Variants in RYR2 observed in about 807,000 individuals in gnomAD.
RYR2 encodes the protein cardiac muscle ryanodine receptor-calcium release channel.
A neutral mutation model predicts 601.1 loss-of-function variants in RYR2; 227 were observed. The ratio of observed to expected loss-of-function variants is 0.38; its 90% CI spans 0.34 to 0.42. The LOEUF (loss-of-function observed/expected upper bound fraction) is 0.42. RYR2 is among the 10% of genes least tolerant of loss of function. The pLI is 1.00. For synonymous variants in RYR2, 2,223 were observed against 2,175.1 expected (o/e 1.02, Z -0.61); for missense variants, 4,646 against 6,156.5 (o/e 0.75, Z 8.21).
At chr1:237,606,574 T>G (rs9701213) in intron 35 of RYR2, among the ~76,000 whole-genome samples, 78,818 of 152,030 alleles carry the variant, frequency 0.52, 20,875 homozygotes, top group East Asian at 0.71. Context: ...AAATGGGATC[T>G]AATTAAACTA....
intron 38 of RYR2, among the ~76,000 whole-genome samples, chr1:237,622,056 C>G (rs1679130865): frequency 6.6e-6 from 1 of 152,100 alleles, no homozygotes; most frequent in South Asian, 2.1e-4. Context: ...TACTTGAAGT[C>G]TCTCTGTATT....
chr1:237,295,039 C>G (rs998544573), intron 2 of RYR2, among the ~76,000 whole-genome samples: 10 of 152,022 alleles, frequency 6.6e-5, no homozygotes, highest in African/African-American at 2.4e-4. Context: ...CATGGCAAAA[C>G]CCCGTCTCTC....
intron 1 of RYR2, among the ~76,000 whole-genome samples, chr1:237,188,150 G>A (rs1444053131): frequency 6.6e-6 from 1 of 152,150 alleles, no homozygotes; most frequent in African/African-American, 2.4e-5. Flanking sequence ...TTTTGCTCTG[G>A]CAGGTTGGCG....
intron 71 of RYR2, among the ~76,000 whole-genome samples, chr1:237,716,150 A>G (rs975599570): frequency 2.6e-5 from 4 of 152,090 alleles, no homozygotes; most frequent in African/African-American, 9.7e-5. Flanking sequence ...TTATAACGTA[A>G]TATATAAGCT....
At chr1:237,410,462 AT>A (rs35968847) in intron 10 of RYR2, among the ~76,000 whole-genome samples, 3,172 of 152,216 alleles carry the variant, frequency 0.021, 38 homozygotes, top group Middle Eastern at 0.037. Flanking sequence ...GACCAATAAT[AT>A]GGGTAGAATA....
chr1:237,789,132 G>A (rs1389871714), intron 92 of RYR2, among the ~76,000 whole-genome samples: 1 of 151,982 alleles, frequency 6.6e-6, no homozygotes, highest in African/African-American at 2.4e-5. Context: ...AAGAGGTACT[G>A]ACCAGTGATG....
chr1:237,792,026 G>C, intron 93 of RYR2, 79 bp from the exon 94 acceptor site: 1 of 986,964 alleles, frequency 1.0e-6, no homozygotes, highest in Non-Finnish European at 1.6e-6. Flanking sequence ...TGCTGAAAAG[G>C]CTGTATTTCT....
chr1:237,683,677 T>C (rs1326882775), intron 62 of RYR2, among the ~76,000 whole-genome samples: 2 of 139,224 alleles, frequency 1.4e-5, no homozygotes, highest in African/African-American at 2.7e-5. Context: ...CTTCTTAAAA[T>C]TCTATCACAA....
intron 17 of RYR2, among the ~76,000 whole-genome samples, chr1:237,477,022 A>G (rs939807500): frequency 5.9e-5 from 9 of 152,190 alleles, no homozygotes; most frequent in African/African-American, 2.2e-4. Flanking sequence ...AGTTAGCCAG[A>G]GGAATAAAAG....
rs1481801675 is a variant in RYR2 at position 237,139,279 on chromosome 1, A to T, written c.48+96710A>T. On this transcript the variant is annotated intron_variant, in intron 1 of 104. Coordinates refer to ENST00000366574, the MANE Select transcript of RYR2 (RefSeq NM_001035.3). ...ATCCTGAGTGAAAGAAACCAGTCAC[A>T]AAGGACAACATCTGTGGGATTCCAC... Among the ~76,000 whole-genome samples, 3 of 152,216 alleles carry T rather than the reference A, an allele frequency of 2.0e-5. No homozygotes were observed. In the East Asian group the frequency reaches 5.8e-4, roughly 29 times the overall value.
At chr1:237,515,908 C>CTTCTTCCTCG (rs1666475616) in intron 24 of RYR2, among the ~76,000 whole-genome samples, 2 of 140,788 alleles carry the variant, frequency 1.4e-5, no homozygotes, top group African/African-American at 2.7e-5. Flanking sequence ...CTCCTTCTCC[C>CTTCTTCCTCG]TCTTCTCCCT....
At chr1:237,204,896 A>G (rs1553341222) in intron 1 of RYR2, among the ~76,000 whole-genome samples, 1 of 152,196 alleles carries the variant, frequency 6.6e-6, no homozygotes, top group Non-Finnish European at 1.5e-5. Flanking sequence ...CAATCCAGCA[A>G]GGGAGGCAGA....
chr1:237,101,352 T>G (rs915581307), intron 1 of RYR2, among the ~76,000 whole-genome samples: 1 of 151,664 alleles, frequency 6.6e-6, no homozygotes, highest in African/African-American at 2.4e-5. Context: ...TTCTTTTTTG[T>G]GCAGGCACAA....
intron 1 of RYR2, among the ~76,000 whole-genome samples, chr1:237,223,301 G>T (rs73121652): frequency 0.013 from 1,919 of 152,218 alleles, 53 homozygotes; most frequent in African/African-American, 0.044. Context: ...GGCTAAAGGT[G>T]GGCAAGAGAC....
At chr1:237,463,585 A>T (rs1017025884) in intron 16 of RYR2, among the ~76,000 whole-genome samples, 2 of 152,156 alleles carry the variant, frequency 1.3e-5, no homozygotes, top group African/African-American at 2.4e-5. Flanking sequence ...TCATTTCTAT[A>T]ATCTCATAAC....
chr1:237,294,013 G>T (rs1317787916), intron 2 of RYR2, among the ~76,000 whole-genome samples: 3 of 152,082 alleles, frequency 2.0e-5, no homozygotes, highest in Non-Finnish European at 4.4e-5. Flanking sequence ...ACATCCTGAG[G>T]CTATCCAAGA....
chr1:237,196,806 C>T (rs1680624632), intron 1 of RYR2, among the ~76,000 whole-genome samples: 3 of 152,150 alleles, frequency 2.0e-5, no homozygotes, highest in South Asian at 4.1e-4. Context: ...CTGTAAGATA[C>T]ACAGTCAGTA....
intron 1 of RYR2, among the ~76,000 whole-genome samples, chr1:237,177,401 G>A (rs894947008): frequency 1.3e-5 from 2 of 152,148 alleles, no homozygotes; most frequent in African/African-American, 4.8e-5. Flanking sequence ...TTCTCTGTAA[G>A]CATTTTCCTG....
intron 27 of RYR2, among the ~76,000 whole-genome samples, chr1:237,563,475 CTT>C (rs11328026): frequency 2.0e-5 from 3 of 146,972 alleles, no homozygotes; most frequent in East Asian, 4.0e-4. Flanking sequence ...AAGAAGAGTC[CTT>C]TTTTTTTTGT....
Sources: allele counts gnomAD v4.1 joint callset (sites outside exome capture counted in the v4.1 genomes callset), GRCh38; gene constraint gnomAD v4.1.1; transcripts MANE v1.5; gene names NCBI Gene and HGNC (gene_info 2026-07-23, HGNC 2026-07-21).